The following TRPC1 variants were observed in gnomAD, a reference collection of about 807,000 sequenced individuals.
TRPC1 encodes the protein transient receptor potential cation channel subfamily C member 1.
Under a neutral mutation model 88.2 loss-of-function variants are expected in TRPC1, and 42 were observed. The ratio of observed to expected loss-of-function variants is 0.48; its 90% CI spans 0.37 to 0.62. The LOEUF is 0.62. Among genes scored for constraint, TRPC1 ranks in the 20% least tolerant of loss-of-function variants. The pLI is 0.00. For synonymous variants in TRPC1, 288 were observed against 331.8 expected, an observed-to-expected ratio of 0.87 and a Z score of 1.43; for missense variants, 699 against 957.3, an observed-to-expected ratio of 0.73 and a Z score of 3.56.
chr3:142,754,089 CAAAAAAAAAAAAAA>C (rs10609600), intron 4 of TRPC1, among the ~76,000 whole-genome samples: 1 of 86,154 alleles, frequency 1.2e-5, no homozygotes, highest in African/African-American at 4.1e-5. Flanking sequence ...GACTCCGTCT[CAAAAAAAAAAAAAA>C]AAAAAAAAAA....
chr3:142,807,366 A>G lies in TRPC1; in HGVS notation c.*1131A>G, dbSNP rs930864613. The G allele has an allele frequency of 6.6e-6, 1 of 152,168 alleles. No homozygotes were observed. The highest frequency in any genetic ancestry group is 2.4e-5 in the African/African-American group (1 of 41,456). 9.4% of individuals were successfully genotyped at this position (152,168 alleles called of 1,614,324 possible). On this transcript the variant is annotated 3_prime_UTR_variant, in exon 13 of 13. Coordinates refer to ENST00000476941, the MANE Select transcript of TRPC1 (RefSeq NM_001251845.2). ...GTTTTTTAAAATTAGAGAATAAAATATGTATTTAAATTTTTGGTGTGTTCA... is the reference window on the plus strand; with the variant it reads ...GTTTTTTAAAATTAGAGAATAAAATGTGTATTTAAATTTTTGGTGTGTTCA...
At chr3:142,789,854 A>G (rs746967480) in intron 7 of TRPC1, among the ~76,000 whole-genome samples, 7 of 152,168 alleles carry the variant, frequency 4.6e-5, no homozygotes, top group Non-Finnish European at 1.0e-4. Context: ...CCTTGTTTGT[A>G]TCAGGTACTT....
In TRPC1 at chr3:142,781,037, G is replaced by A. The variant is rs376037016; in HGVS notation, c.960+8G>A. The A allele has an allele frequency of 1.3e-6, 2 of 1,598,532 alleles. No homozygotes were observed. The highest frequency in any genetic ancestry group is 3.5e-5 in the Admixed American group (2 of 57,030). On this transcript the variant is annotated splice_region_variant and intron_variant, in intron 6 of 12. Coordinates refer to ENST00000476941, the MANE Select transcript of TRPC1 (RefSeq NM_001251845.2). ...AAATATAACCAGAAAGAGGTATGAG[G>A]CTTTCTGTAATATATTTAAATTATT...
At chr3:142,780,468 G>T (rs927069334) in intron 5 of TRPC1, among the ~76,000 whole-genome samples, 2 of 152,108 alleles carry the variant, frequency 1.3e-5, no homozygotes, top group Non-Finnish European at 2.9e-5. Context: ...TATTGTTAAG[G>T]TGAGTAATAT....
At chr3:142,743,972 A>C (rs1934445545) in intron 3 of TRPC1, among the ~76,000 whole-genome samples, 1 of 152,180 alleles carries the variant, frequency 6.6e-6, no homozygotes, top group Non-Finnish European at 1.5e-5. Context: ...ATGTGCATAA[A>C]AGCAATGGAC....
At chr3:142,804,282 A>G (rs1235246089) in intron 11 of TRPC1, 104 bp downstream of exon 11, 6 of 1,201,304 alleles carry the variant, frequency 5.0e-6, no homozygotes, top group Admixed American at 2.9e-5. Flanking sequence ...ATTGAAAAAT[A>G]GTATTTTTAA....
intron 1 of TRPC1, among the ~76,000 whole-genome samples, chr3:142,731,767 A>T (rs1933928881): frequency 6.6e-6 from 1 of 152,130 alleles, no homozygotes. Context: ...GAGTGAGCAA[A>T]CTATGGGCCA....
At position 142,746,893 on chromosome 3, in the gene TRPC1, A is replaced by G. The variant is rs191876924; in HGVS notation, c.430-1365A>G. 2.6e-5 allele frequency among the ~76,000 whole-genome samples: 4 copies of G among 152,242 alleles called. No homozygotes were observed. The East Asian group carries it at 7.7e-4, about 29-fold the overall frequency. ...ACTGGTCATGGCCTTTAGACCCATA[A>G]TTCTGCTGCTGGGCTTTTATGTTAA... On this transcript the variant is annotated intron_variant, in intron 3 of 12. Transcript: ENST00000476941.
chr3:142,756,987 G>A (rs1934993429), intron 4 of TRPC1, among the ~76,000 whole-genome samples: 1 of 152,150 alleles, frequency 6.6e-6, no homozygotes, highest in South Asian at 2.1e-4. Flanking sequence ...TTGTCTTTCT[G>A]TGCTTGGCTT....
At chr3:142,763,536 A>G (rs1285939441) in intron 4 of TRPC1, among the ~76,000 whole-genome samples, 1 of 151,908 alleles carries the variant, frequency 6.6e-6, no homozygotes, top group Non-Finnish European at 1.5e-5. Flanking sequence ...GTTACGTGGA[A>G]TATCTTTCAG....
At chr3:142,801,206 G>A (rs958858378) in intron 9 of TRPC1, 2 of 152,066 alleles carry the variant, frequency 1.3e-5, no homozygotes, top group African/African-American at 4.8e-5. Context: ...ACAATGTTGA[G>A]TAATGTTACA....
At chr3:142,762,163 G>A (rs575834957) in intron 4 of TRPC1, among the ~76,000 whole-genome samples, 2 of 151,938 alleles carry the variant, frequency 1.3e-5, no homozygotes, top group Non-Finnish European at 2.9e-5. Flanking sequence ...AGCCCTTCAA[G>A]TAGCTGGGAC....
intron 10 of TRPC1, among the ~76,000 whole-genome samples, chr3:142,803,306 G>A (rs1259398733): frequency 6.6e-6 from 1 of 152,212 alleles, no homozygotes; most frequent in Non-Finnish European, 1.5e-5. Context: ...CATTTACAGA[G>A]AGAGAGAACG....
intron 4 of TRPC1, among the ~76,000 whole-genome samples, chr3:142,769,931 T>C (rs1425801790): frequency 1.3e-5 from 2 of 152,084 alleles, no homozygotes; most frequent in Admixed American, 6.6e-5. Flanking sequence ...TATTTCCTTG[T>C]TGATCTTTTG....
chr3:142,765,768 A>G (rs1234260776), intron 4 of TRPC1, among the ~76,000 whole-genome samples: 5 of 152,194 alleles, frequency 3.3e-5, no homozygotes, highest in African/African-American at 4.8e-5. Context: ...AAAAGAAACT[A>G]TAAAGGGAAT....
At chr3:142,735,174 C>G (rs1934082072) in intron 1 of TRPC1, among the ~76,000 whole-genome samples, 1 of 152,154 alleles carries the variant, frequency 6.6e-6, no homozygotes, top group South Asian at 2.1e-4. Context: ...AAAACTATCA[C>G]CCAGCTTCCT....
At chr3:142,805,277 CA>C (rs1442345416) in intron 12 of TRPC1, among the ~76,000 whole-genome samples, 1 of 151,358 alleles carries the variant, frequency 6.6e-6, no homozygotes, top group Non-Finnish European at 1.5e-5. Flanking sequence ...GGGAAATATT[CA>C]AAATACCCAT....
intron 9 of TRPC1, chr3:142,794,006 C>CT: frequency 1.6e-6 from 1 of 626,552 alleles, no homozygotes; most frequent in Middle Eastern, 8.3e-4. Context: ...TGGGAATTGA[C>CT]AGTGCATGTT....
At position 142,776,122 on chromosome 3, in the gene TRPC1, C is replaced by T. The variant is rs1288989140; in HGVS notation, c.633-1510C>T. The stretch of plus-strand genomic sequence containing the variant: ...TGAGATGAATCTGTATATGGTAACA[C>T]AGAAAGAGATTCATGATATGTTACA... On this transcript the variant is annotated intron_variant, in intron 4 of 12. Transcript: ENST00000476941. The surrounding 1 kb of genome is among the most constrained non-coding windows in gnomAD (Gnocchi z 4.1). Among the ~76,000 whole-genome samples, 1 of 152,104 alleles carries T rather than the reference C, an allele frequency of 6.6e-6. No individual in the cohort carries two copies. The highest frequency in any genetic ancestry group is 1.5e-5 in the Non-Finnish European group (1 of 68,016).
Sources: gnomAD v4.1 joint callset for allele counts (sites outside exome capture counted in the v4.1 genomes callset) on GRCh38, gnomAD v4.1.1 for gene constraint, Gnocchi (gnomAD v3.1) non-coding constraint, MANE v1.5 for transcripts, NCBI Gene and HGNC (gene_info 2026-07-23, HGNC 2026-07-21) for gene names.